WNT3A: variants seen among roughly 807,000 people sequenced by gnomAD.
WNT3A encodes Wnt family member 3A, also known as protein Wnt-3a.
WNT3A carries 17 observed loss-of-function variants against 37.0 expected under a neutral mutation model. The observed-to-expected ratio is 0.46, with a 90% CI of 0.31 to 0.69. The LOEUF (loss-of-function observed/expected upper bound fraction) is 0.69, where lower values mean the gene tolerates loss of function less well. Ranked by LOEUF, WNT3A falls within the 30% of genes least tolerant of loss-of-function variation. The pLI is 0.05. For missense variants in WNT3A, 411 were observed against 510.2 expected (o/e 0.81, Z 1.87); for synonymous variants, 187 against 211.0 (o/e 0.89, Z 0.99).
rs985725645 is a variant in WNT3A at position 228,042,849 on chromosome 1, G to C, written c.314-7807G>C. On this transcript the variant is annotated intron_variant, in intron 2 of 3. Coordinates refer to ENST00000284523, the MANE Select transcript of WNT3A (RefSeq NM_033131.4). This position sits in a 1 kb window ranked among gnomAD's most constrained non-coding sequence, Gnocchi z 5.2. ...TGATGGATGGATGTGGATGACAGAT[G>C]ATGGGTGATGGGTGGATGGATAGAT... 1.1e-4 allele frequency among the ~76,000 whole-genome samples: 17 copies of C among 151,794 alleles called. No homozygotes were observed. The highest frequency in any genetic ancestry group is 2.4e-4 in the Non-Finnish European group (16 of 67,936).
Position 228,046,924 on chromosome 1 carries a change from T to C in WNT3A, c.314-3732T>C, listed in dbSNP as rs567108733. Among the ~76,000 whole-genome samples, 6 of 152,274 alleles carry C rather than the reference T, an allele frequency of 3.9e-5. No homozygotes were observed. The East Asian group carries it at 7.7e-4, about 20-fold the overall frequency. Reference sequence around the variant, plus strand: ...GTGCGCACGCATGTGCGCATGTGGCTGTGCATGCATGTGGTGGAAGGAGGA... The same window carrying C: ...GTGCGCACGCATGTGCGCATGTGGCCGTGCATGCATGTGGTGGAAGGAGGA... On this transcript the variant is annotated intron_variant, in intron 2 of 3. Transcript: ENST00000284523.
intron 1 of WNT3A, among the ~76,000 whole-genome samples, chr1:228,019,683 T>A (rs548468284): frequency 6.6e-6 from 1 of 152,398 alleles, no homozygotes; most frequent in South Asian, 2.1e-4. Flanking sequence ...CAGCTCACAC[T>A]GAAGTCAGCC....
chr1:228,041,873 G>A (rs2031292920), intron 2 of WNT3A, among the ~76,000 whole-genome samples: 1 of 152,182 alleles, frequency 6.6e-6, no homozygotes, highest in Non-Finnish European at 1.5e-5. Context: ...TCCTGAAAGT[G>A]GGTCATCCAA....
In WNT3A at chr1:228,031,244, T is replaced by C. The variant is rs2030995210; in HGVS notation, c.313+8336T>C. Among the ~76,000 whole-genome samples the C allele has an allele frequency of 6.6e-6, 1 of 152,184 alleles. No individual in the cohort carries two copies. Among genetic ancestry groups the C allele is most frequent in the Admixed American group, 6.5e-5 (1 of 15,286 alleles). On this transcript the variant is annotated intron_variant, in intron 2 of 3. Transcript: ENST00000284523. This position sits in a 1 kb window ranked among gnomAD's most constrained non-coding sequence, Gnocchi z 4.8. ...CCTGAAGGACAAGTCAGGGTCCCTG[T>C]AGGAGAAGAAACTGGAGCTTGGGGA... is the stretch of plus-strand genomic sequence containing the variant.
At chr1:228,012,213 C>T (rs1286247541) in intron 1 of WNT3A, among the ~76,000 whole-genome samples, 1 of 152,140 alleles carries the variant, frequency 6.6e-6, no homozygotes, top group Non-Finnish European at 1.5e-5. Flanking sequence ...AGGGAAGCTC[C>T]GGTGTCCAGC....
Position 228,050,867 on chromosome 1 carries a change from C to T in WNT3A, c.525C>T (p.Asn175=), listed in dbSNP as rs940131174. ...VSREFADARE[N]RPDARSAMNR... is the part of the protein sequence containing the mutation. ...GGGAGTTCGCCGACGCCCGGGAGAA[C>T]CGGCCAGATGCCCGCTCAGCCATGA... Residue 175 remains asparagine (N), a synonymous_variant, in exon 3 of 4, where the codon AAC becomes AAT. Transcript: ENST00000284523. This position sits in a 1 kb window ranked among gnomAD's most constrained non-coding sequence, Gnocchi z 5.0. 18 of 1,587,692 alleles carry T rather than the reference C, an allele frequency of 1.1e-5. No individual in the cohort carries two copies. The highest frequency in any genetic ancestry group is 1.4e-5 in the Non-Finnish European group (16 of 1,164,462).
chr1:228,013,254 G>A (rs953104287), intron 1 of WNT3A, among the ~76,000 whole-genome samples: 5 of 152,096 alleles, frequency 3.3e-5, no homozygotes, highest in African/African-American at 1.2e-4. Flanking sequence ...TTGCTCCGTG[G>A]CCCAGGCTGT....
chr1:228,022,499 A>G (rs1372260400), intron 1 of WNT3A, among the ~76,000 whole-genome samples, 168 bp from the exon 2 acceptor site: 1 of 152,212 alleles, frequency 6.6e-6, no homozygotes, highest in African/African-American at 2.4e-5. Flanking sequence ...TTGGGCTTTT[A>G]AGTAAAAATT....
chr1:228,045,971 G>C (rs1186823249), intron 2 of WNT3A, among the ~76,000 whole-genome samples: 2 of 152,242 alleles, frequency 1.3e-5, no homozygotes, highest in Admixed American at 6.5e-5. Flanking sequence ...CGCGGCTAGG[G>C]AGGGAGTCAG....
intron 2 of WNT3A, among the ~76,000 whole-genome samples, chr1:228,033,491 T>C (rs1391157698): frequency 6.6e-6 from 1 of 152,244 alleles, no homozygotes; most frequent in African/African-American, 2.4e-5. Flanking sequence ...TATGAATTTA[T>C]CTCTGTGCTC....
chr1:228,028,420 G>C (rs1442917533), intron 2 of WNT3A, among the ~76,000 whole-genome samples: 1 of 151,224 alleles, frequency 6.6e-6, no homozygotes, highest in Admixed American at 6.6e-5. Context: ...CCCTGCCTCA[G>C]CCTCCCAAGT....
At chr1:228,012,954 T>C (rs2030417087) in intron 1 of WNT3A, among the ~76,000 whole-genome samples, 2 of 152,172 alleles carry the variant, frequency 1.3e-5, no homozygotes, top group Admixed American at 6.5e-5. Flanking sequence ...CTTGGCTCAC[T>C]GCAGCCTCGA....
In WNT3A at chr1:228,030,080, G is replaced by C. The variant is rs370413326; in HGVS notation, c.313+7172G>C. On this transcript the variant is annotated intron_variant, in intron 2 of 3. Coordinates refer to ENST00000284523, the MANE Select transcript of WNT3A (RefSeq NM_033131.4). ...AGCTTGGGCAACAGAATGAGACCCT[G>C]TCTCTAAAAAAATATAAAAATAAAA... Among the ~76,000 whole-genome samples, 54 of 144,944 alleles carry C rather than the reference G, an allele frequency of 3.7e-4. 1 individual carries two copies. Among genetic ancestry groups the C allele is most frequent in the African/African-American group, 1.4e-3 (49 of 36,122 alleles).
chr1:228,019,362 A>G (rs1054543008), intron 1 of WNT3A, among the ~76,000 whole-genome samples: 5 of 152,240 alleles, frequency 3.3e-5, no homozygotes, highest in Non-Finnish European at 7.3e-5. Context: ...AAATGGCCGC[A>G]TCCCCCAGGC....
intron 3 of WNT3A, among the ~76,000 whole-genome samples, chr1:228,053,592 G>A (rs1194318246): frequency 6.6e-6 from 1 of 152,068 alleles, no homozygotes; most frequent in Non-Finnish European, 1.5e-5. Context: ...TGCAGCAAAT[G>A]TAGAGAAGCT....
Position 228,059,467 on chromosome 1 carries a change from C to A in WNT3A, c.*2C>A. The A allele has an allele frequency of 6.7e-7, 1 of 1,498,754 alleles. No individual in the cohort carries two copies. Among genetic ancestry groups the A allele is most frequent in the Admixed American group, 2.2e-5 (1 of 45,800 alleles). 92.8% of individuals were successfully genotyped at this position (1,498,754 alleles called of 1,614,324 possible). A position where few individuals can be genotyped will look rare whatever the true frequency, so the allele number is the denominator to read the frequency against. ...TACGACGTGCACACCTGCAAGTAGG[C>A]ACCGGCCGCGGCTCCCCCTGGACGG... On this transcript the variant is annotated 3_prime_UTR_variant, in exon 4 of 4. Coordinates refer to ENST00000284523, the MANE Select transcript of WNT3A (RefSeq NM_033131.4).
At chr1:228,041,979 T>C (rs904035505) in intron 2 of WNT3A, among the ~76,000 whole-genome samples, 2 of 152,128 alleles carry the variant, frequency 1.3e-5, no homozygotes, top group Non-Finnish European at 1.5e-5. Flanking sequence ...GTCCACTTTC[T>C]GGAGGATTTT....
chr1:228,050,523 C>T lies in WNT3A; in HGVS notation c.314-133C>T, dbSNP rs2031519926. On this transcript the variant is annotated intron_variant, in intron 2 of 3. Transcript: ENST00000284523. The surrounding 1 kb of genome is among the most constrained non-coding windows in gnomAD (Gnocchi z 5.0). ...CCTGTAGATCCGTGAACCAAGTAAG[C>T]CTCTTTGCCTTATACACCACCCAAC... 1 of 1,122,196 alleles carries T rather than the reference C, an allele frequency of 8.9e-7. No individual in the cohort carries two copies. The highest frequency in any genetic ancestry group is 2.7e-5 in the East Asian group (1 of 36,526). 69.5% of individuals were successfully genotyped at this position (1,122,196 alleles called of 1,614,324 possible). A position where few individuals can be genotyped will look rare whatever the true frequency, so the allele number is the denominator to read the frequency against.
chr1:228,017,989 G>A (rs2030580861), intron 1 of WNT3A, among the ~76,000 whole-genome samples: 1 of 152,236 alleles, frequency 6.6e-6, no homozygotes, highest in Non-Finnish European at 1.5e-5. Flanking sequence ...CAGCACGGGG[G>A]CTTTGCCATT....
Sources: gnomAD v4.1 joint callset for allele counts (sites outside exome capture counted in the v4.1 genomes callset) on GRCh38, gnomAD v4.1.1 for gene constraint, Gnocchi (gnomAD v3.1) non-coding constraint, MANE v1.5 for transcripts, NCBI Gene and HGNC (gene_info 2026-07-23, HGNC 2026-07-21) for gene names.